The following SNX29 variants were observed in gnomAD, a reference collection of about 807,000 sequenced individuals.
The protein encoded by SNX29 is sorting nexin-29.
In SNX29, 78 loss-of-function variants were observed where a neutral mutation model predicts 102.1. The observed-to-expected ratio is 0.76, with a 90% CI of 0.64 to 0.92. The LOEUF (loss-of-function observed/expected upper bound fraction) is 0.92, where lower values mean the gene tolerates loss of function less well. SNX29 is among the 40% of genes least tolerant of loss of function. The pLI, the probability that SNX29 is intolerant of heterozygous loss-of-function variation, is 0.00. For missense variants in SNX29, 1,280 were observed against 1,061.7 expected (o/e 1.21, Z -2.86); for synonymous variants, 580 against 414.5 (o/e 1.40, Z -4.85).
At chr16:12,130,884 C>T (rs570462859) in intron 13 of SNX29, among the ~76,000 whole-genome samples, 5 of 152,188 alleles carry the variant, frequency 3.3e-5, no homozygotes, top group Non-Finnish European at 7.4e-5. Context: ...CATCAGAATT[C>T]GTTTAACCAG....
intron 15 of SNX29, among the ~76,000 whole-genome samples, chr16:12,328,630 C>T (rs2081195848): frequency 6.6e-6 from 1 of 152,170 alleles, no homozygotes; most frequent in African/African-American, 2.4e-5. Context: ...ACTGTCTTAC[C>T]ACATTCAAAC....
intron 19 of SNX29, among the ~76,000 whole-genome samples, chr16:12,487,052 C>T (rs138131908): frequency 1.6e-3 from 247 of 152,306 alleles, no homozygotes; most frequent in African/African-American, 5.7e-3. Context: ...TATTTGACCT[C>T]TCTGTGCCTG....
chr16:12,446,252 C>T (rs535966117), intron 18 of SNX29, among the ~76,000 whole-genome samples: 21 of 152,170 alleles, frequency 1.4e-4, no homozygotes, highest in African/African-American at 4.3e-4. Context: ...GACGGGGTTT[C>T]ACCATGTTGG....
At chr16:12,031,855 A>G (rs1053385263) in intron 4 of SNX29, among the ~76,000 whole-genome samples, 1 of 152,154 alleles carries the variant, frequency 6.6e-6, no homozygotes, top group Non-Finnish European at 1.5e-5. Context: ...AAATATACAT[A>G]ATGAAATTTA....
chr16:12,427,106 A>G (rs1488439414), intron 18 of SNX29, among the ~76,000 whole-genome samples: 1 of 152,190 alleles, frequency 6.6e-6, no homozygotes, highest in African/African-American at 2.4e-5. Flanking sequence ...ATATATTAGC[A>G]TAGGAAAAGA....
At chr16:11,989,293 G>A (rs1203308537) in intron 1 of SNX29, among the ~76,000 whole-genome samples, 4 of 152,010 alleles carry the variant, frequency 2.6e-5, no homozygotes, top group African/African-American at 9.7e-5. Context: ...TAAATTGATG[G>A]TCCCCATTCT....
At chr16:12,407,374 G>A (rs1461398806) in intron 18 of SNX29, among the ~76,000 whole-genome samples, 1 of 149,420 alleles carries the variant, frequency 6.7e-6, no homozygotes. Flanking sequence ...TCCTAGTTAT[G>A]TCACAGAATT....
intron 19 of SNX29, among the ~76,000 whole-genome samples, chr16:12,497,775 C>T (rs552661574): frequency 9.2e-5 from 14 of 152,300 alleles, no homozygotes; most frequent in Middle Eastern, 3.4e-3. Context: ...ATCCACTAGG[C>T]GCCTCAGGCA....
In SNX29 at chr16:12,341,374, ACAAATGTCTTTGG is replaced by A. The variant is rs1291730484; in HGVS notation, c.1783-14787_1783-14775del. On this transcript the variant is annotated intron_variant, in intron 15 of 20. Transcript: ENST00000566228. ...TGTGGCTGTTGCAAAGCTGCCTTTA[ACAAATGTCTTTGG>A]CCTCTGTGCCTTTCCTCAGACTTTC... is the stretch of plus-strand genomic sequence containing the variant. 9.2e-5 allele frequency among the ~76,000 whole-genome samples: 14 copies of A among 152,336 alleles called. 1 individual carries two copies. Among genetic ancestry groups the A allele is most frequent in the Admixed American group, 9.2e-4 (14 of 15,300 alleles).
chr16:12,110,578 C>T (rs1016374876), intron 11 of SNX29, among the ~76,000 whole-genome samples: 3 of 152,098 alleles, frequency 2.0e-5, no homozygotes, highest in African/African-American at 7.2e-5. Context: ...GCTTGACTCC[C>T]TTTGGTTTCT....
chr16:12,146,049 G>GT (rs1011559199), intron 13 of SNX29, among the ~76,000 whole-genome samples: 3 of 152,224 alleles, frequency 2.0e-5, no homozygotes. Context: ...ACAGCGGTGA[G>GT]TGAGAGAGCC....
At chr16:12,464,215 ATAT>A (rs1232327816) in intron 18 of SNX29, among the ~76,000 whole-genome samples, 2 of 125,116 alleles carry the variant, frequency 1.6e-5, no homozygotes, top group South Asian at 2.7e-4. Flanking sequence ...TTATGGCTGA[ATAT>A]TATTCCATGG....
chr16:12,427,841 G>A (rs772892693), intron 18 of SNX29, among the ~76,000 whole-genome samples: 4 of 152,206 alleles, frequency 2.6e-5, no homozygotes, highest in Non-Finnish European at 5.9e-5. Flanking sequence ...CAGCTGACTT[G>A]GTGGGAGAAA....
rs1298965482 is a variant in SNX29 at position 12,033,882 on chromosome 16, C to G, written c.247+6438C>G. ...TTGGCCTCCCAAAGTGTTAGGATTACAGGCTCATCCTTGTAGCTCTAGTGT... is the reference window on the plus strand; with the variant it reads ...TTGGCCTCCCAAAGTGTTAGGATTAGAGGCTCATCCTTGTAGCTCTAGTGT... On this transcript the variant is annotated intron_variant, in intron 4 of 20. Coordinates refer to ENST00000566228, the MANE Select transcript of SNX29 (RefSeq NM_032167.5). 2.0e-5 allele frequency among the ~76,000 whole-genome samples: 3 copies of G among 152,220 alleles called. 1 individual carries two copies. Among genetic ancestry groups the G allele is most frequent in the East Asian group, 3.8e-4 (2 of 5,202 alleles).
chr16:12,559,841 C>T (rs566118932), intron 20 of SNX29, among the ~76,000 whole-genome samples: 1 of 152,124 alleles, frequency 6.6e-6, no homozygotes, highest in South Asian at 2.1e-4. Flanking sequence ...CATTCTAATG[C>T]CAGACTGCTT....
intron 18 of SNX29, among the ~76,000 whole-genome samples, chr16:12,470,221 G>A (rs956620050): frequency 6.6e-6 from 1 of 152,192 alleles, no homozygotes; most frequent in African/African-American, 2.4e-5. Flanking sequence ...GGATCATTAA[G>A]GAGTTAGTGA....
chr16:12,522,107 TGCTTGCAAGAG>T (rs1340315763), intron 19 of SNX29, among the ~76,000 whole-genome samples: 1 of 152,216 alleles, frequency 6.6e-6, no homozygotes, highest in African/African-American at 2.4e-5. Flanking sequence ...TCCCACCTGG[TGCTTGCAAGAG>T]GCTTGCTAGA....
intron 1 of SNX29, among the ~76,000 whole-genome samples, chr16:11,990,575 G>A (rs990148767): frequency 6.6e-6 from 1 of 152,106 alleles, no homozygotes; most frequent in Non-Finnish European, 1.5e-5. Context: ...TTTGGGGGGT[G>A]GGATGGGAGT....
intron 19 of SNX29, among the ~76,000 whole-genome samples, chr16:12,507,479 T>C (rs557483714): frequency 6.6e-6 from 1 of 152,322 alleles, no homozygotes; most frequent in East Asian, 1.9e-4. Flanking sequence ...AATGCCAGAC[T>C]CTGTTTCTTG....
Sources: allele counts gnomAD v4.1 joint callset (sites outside exome capture counted in the v4.1 genomes callset), GRCh38; gene constraint gnomAD v4.1.1; transcripts MANE v1.5; gene names NCBI Gene and HGNC (gene_info 2026-07-23, HGNC 2026-07-21).